The following ROR1 variants were observed in gnomAD, a reference collection of about 807,000 sequenced individuals.
The protein encoded by ROR1 is inactive tyrosine-protein kinase transmembrane receptor ROR1.
ROR1 carries 19 observed loss-of-function variants against 78.8 expected under a neutral mutation model. That is an observed-to-expected ratio of 0.24 (90% CI 0.17 to 0.35). ROR1 has a LOEUF of 0.35. ROR1 is among the 10% of genes least tolerant of loss of function. The probability of loss-of-function intolerance (pLI) is 1.00; values close to 1 mark genes in which losing one functional copy is unlikely to be tolerated. For synonymous variants in ROR1, 386 were observed against 433.6 expected (o/e 0.89, Z 1.36); for missense variants, 917 against 1,177.8 (o/e 0.78, Z 3.24).
chr1:63,822,237 G>A (rs1357339261), intron 1 of ROR1, among the ~76,000 whole-genome samples: 2 of 152,170 alleles, frequency 1.3e-5, no homozygotes, highest in Non-Finnish European at 1.5e-5. Flanking sequence ...TGTGGTATAT[G>A]TAACAGTGTC....
At position 63,845,724 on chromosome 1, in the gene ROR1, A is replaced by G. The variant is rs572013235; in HGVS notation, c.91+71216A>G. 1.6e-4 allele frequency among the ~76,000 whole-genome samples: 25 copies of G among 152,252 alleles called. 1 individual carries two copies. The highest frequency in any genetic ancestry group is 1.0e-3 in the South Asian group (5 of 4,822). On this transcript the variant is annotated intron_variant, in intron 1 of 8. Transcript: ENST00000371079. Reference sequence around the variant, plus strand: ...TTGTGTTCTGATCTCTGATACCTGCATGCATCTTCATAGTAACTTCCAACT... The same window carrying G: ...TTGTGTTCTGATCTCTGATACCTGCGTGCATCTTCATAGTAACTTCCAACT...
chr1:63,865,538 A>G (rs1645209905), intron 1 of ROR1, among the ~76,000 whole-genome samples: 2 of 152,164 alleles, frequency 1.3e-5, no homozygotes, highest in African/African-American at 2.4e-5. Context: ...AGTTTATTTA[A>G]TTTTGTGGAG....
At chr1:64,125,766 G>A (rs1297715592) in intron 4 of ROR1, among the ~76,000 whole-genome samples, 1 of 152,164 alleles carries the variant, frequency 6.6e-6, no homozygotes, top group African/African-American at 2.4e-5. Context: ...TCAAATGAGG[G>A]CTTGCTAAAG....
intron 1 of ROR1, among the ~76,000 whole-genome samples, chr1:63,911,426 C>A (rs1414369625): frequency 6.6e-6 from 1 of 152,126 alleles, no homozygotes; most frequent in Admixed American, 6.5e-5. Flanking sequence ...GCATTACTAC[C>A]TGAGCCCTGC....
At chr1:63,778,643 A>G (rs1345744154) in intron 1 of ROR1, among the ~76,000 whole-genome samples, 2 of 152,232 alleles carry the variant, frequency 1.3e-5, no homozygotes, top group Non-Finnish European at 2.9e-5. Flanking sequence ...AGTTTATTTA[A>G]CAAACACTTA....
At chr1:64,039,897 A>C (rs932241664) in intron 2 of ROR1, among the ~76,000 whole-genome samples, 4 of 152,212 alleles carry the variant, frequency 2.6e-5, no homozygotes, top group Admixed American at 2.6e-4. Context: ...CACAAAGGAG[A>C]ATGCAGTCTT....
chr1:63,991,214 G>T (rs957895199), intron 1 of ROR1, among the ~76,000 whole-genome samples: 2 of 152,120 alleles, frequency 1.3e-5, no homozygotes, highest in Non-Finnish European at 2.9e-5. Context: ...GCCTCCCAAA[G>T]TGCTAGAATT....
intron 1 of ROR1, among the ~76,000 whole-genome samples, chr1:63,980,980 C>T (rs931959776): frequency 4.6e-5 from 7 of 151,502 alleles, no homozygotes; most frequent in Admixed American, 3.9e-4. Flanking sequence ...GTGCAAGGAG[C>T]ACAGATAAGA....
intron 1 of ROR1, among the ~76,000 whole-genome samples, chr1:63,999,245 G>T (rs1646364294): frequency 6.6e-6 from 1 of 152,206 alleles, no homozygotes. Flanking sequence ...ACGTGATTAT[G>T]ACAGGTGAAG....
intron 1 of ROR1, among the ~76,000 whole-genome samples, chr1:63,988,516 T>C (rs1646269090): frequency 3.3e-5 from 5 of 152,206 alleles, no homozygotes; most frequent in African/African-American, 1.2e-4. Context: ...CCATTTTAGG[T>C]GTGCAGTTCA....
At chr1:63,973,011 G>T (rs1161683209) in intron 1 of ROR1, among the ~76,000 whole-genome samples, 2 of 152,222 alleles carry the variant, frequency 1.3e-5, no homozygotes. Flanking sequence ...CGCTTCTGAG[G>T]CAGGGAGCCA....
intron 1 of ROR1, among the ~76,000 whole-genome samples, chr1:63,809,447 G>A (rs1644847716): frequency 6.6e-6 from 1 of 152,206 alleles, no homozygotes; most frequent in African/African-American, 2.4e-5. Context: ...CAGTGGGTCT[G>A]AAATATATAG....
In ROR1 at chr1:64,159,086, T is replaced by C. The variant is rs1008329805; in HGVS notation, c.1280T>C (p.Val427Ala). 1.2e-6 allele frequency: 2 copies of C among 1,614,152 alleles called. No homozygotes were observed. The highest frequency in any genetic ancestry group is 1.7e-6 in the Non-Finnish European group (2 of 1,180,012). ...AIALLFFFIC[V>A]CRNNQKSSSA... is the part of the protein sequence containing the mutation. ...GCTTTACTCTTCTTCTTCATTTGCG[T>C]CTGTCGGAATAACCAGAAGTCATCG... The change falls in exon 8 of 9, where the codon GTC (valine) becomes GCC (alanine). Residue 427 changes from valine to alanine, a missense_variant. Val to Ala is a moderately conservative substitution (Grantham distance 64). Coordinates refer to ENST00000371079, the MANE Select transcript of ROR1 (RefSeq NM_005012.4).
At chr1:63,911,583 C>A (rs1400042516) in intron 1 of ROR1, among the ~76,000 whole-genome samples, 1 of 152,010 alleles carries the variant, frequency 6.6e-6, no homozygotes, top group East Asian at 1.9e-4. Context: ...ACCATCCCCC[C>A]CACCCCCAAC....
chr1:64,033,189 C>T (rs1646675133), intron 2 of ROR1, among the ~76,000 whole-genome samples: 1 of 152,184 alleles, frequency 6.6e-6, no homozygotes, highest in African/African-American at 2.4e-5. Flanking sequence ...AATCTCCATA[C>T]CCCTATGCAC....
At chr1:64,105,151 A>G (rs1056265833) in intron 4 of ROR1, among the ~76,000 whole-genome samples, 30 of 152,158 alleles carry the variant, frequency 2.0e-4, no homozygotes, top group Non-Finnish European at 4.1e-4. Context: ...AATAATCGCC[A>G]TTCTGACTGG....
intron 7 of ROR1, among the ~76,000 whole-genome samples, chr1:64,156,505 G>A (rs1418821377): frequency 1.3e-5 from 2 of 152,014 alleles, no homozygotes; most frequent in Non-Finnish European, 2.9e-5. Context: ...TCAAGAGATC[G>A]AGACCATCCT....
At chr1:64,133,559 A>G (rs192460807) in intron 4 of ROR1, among the ~76,000 whole-genome samples, 2 of 152,366 alleles carry the variant, frequency 1.3e-5, no homozygotes, top group Non-Finnish European at 2.9e-5. Context: ...GGCAGGTTGT[A>G]GAGGCTGGCA....
rs1646548507 is a variant in ROR1, at chr1:64,019,652, G to T, written c.163+10276G>T. ...TATTAATAGCTACCATCTATCGAGG[G>T]CTTATGATATGCCAAGAACCATGTT... On this transcript the variant is annotated intron_variant, in intron 2 of 8. Coordinates refer to ENST00000371079, the MANE Select transcript of ROR1 (RefSeq NM_005012.4). Among the ~76,000 whole-genome samples the T allele has an allele frequency of 2.0e-5, 3 of 152,196 alleles. No individual in the cohort carries two copies. In the South Asian group the frequency reaches 6.2e-4, roughly 32 times the overall value.
Sources: allele counts gnomAD v4.1 joint callset (sites outside exome capture counted in the v4.1 genomes callset), GRCh38; gene constraint gnomAD v4.1.1; transcripts MANE v1.5; gene names NCBI Gene and HGNC (gene_info 2026-07-23, HGNC 2026-07-21).